The following KANK1 variants were observed in gnomAD, a reference collection of about 807,000 sequenced individuals.
KANK1 encodes KN motif and ankyrin repeat domains 1.
Under a neutral mutation model 106.2 loss-of-function variants are expected in KANK1, and 109 were observed. The ratio of observed to expected loss-of-function variants is 1.03; its 90% CI spans 0.88 to 1.20. The LOEUF is 1.20. Ranked by LOEUF, KANK1 falls within the 50% of genes most tolerant of loss-of-function variation. The pLI, the probability that KANK1 is intolerant of heterozygous loss-of-function variation, is 0.00. For synonymous variants in KANK1, 873 were observed against 652.2 expected (o/e 1.34, Z -5.16); for missense variants, 2,399 against 1,710.7 (o/e 1.40, Z -7.10).
chr9:536,730 T>C (rs1420030797), intron 1 of KANK1, among the ~76,000 whole-genome samples: 1 of 152,178 alleles, frequency 6.6e-6, no homozygotes, highest in Non-Finnish European at 1.5e-5. Context: ...TAATGCCGTC[T>C]GCACAATGAC....
rs2060202945 is a variant in KANK1 at position 534,410 on chromosome 9, T to C, written c.-84+29656T>C. ...TGTGGATTTCACTATCAACAGAAAG[T>C]AATGTAAGATGTGATATCTTTTCAG... On this transcript the variant is annotated intron_variant, in intron 1 of 11. Coordinates refer to ENST00000382297, the MANE Select transcript of KANK1 (RefSeq NM_015158.5). Among the ~76,000 whole-genome samples, 4 of 152,286 alleles carry C rather than the reference T, an allele frequency of 2.6e-5. No individual in the cohort carries two copies. The South Asian group carries it at 8.3e-4, about 32-fold the overall frequency.
chr9:660,886 T>C (rs1452400866), intron 1 of KANK1, among the ~76,000 whole-genome samples: 1 of 152,218 alleles, frequency 6.6e-6, no homozygotes, highest in Non-Finnish European at 1.5e-5. Flanking sequence ...CACAAAGGTC[T>C]TTTTGACCAG....
intron 3 of KANK1, among the ~76,000 whole-genome samples, chr9:499,171 C>G (rs545523454): frequency 1.3e-5 from 2 of 148,390 alleles, no homozygotes; most frequent in African/African-American, 5.0e-5. Flanking sequence ...GAGCAAGACT[C>G]TGTCTCAAAA....
chr9:706,900 C>T, intron 2 of KANK1: 2 of 985,412 alleles, frequency 2.0e-6, no homozygotes, highest in Non-Finnish European at 2.4e-6. Context: ...AAAAACAGAG[C>T]CTCTCTGTAG....
chr9:560,301 G>A (rs1816050431), intron 1 of KANK1, among the ~76,000 whole-genome samples: 1 of 152,204 alleles, frequency 6.6e-6, no homozygotes, highest in Non-Finnish European at 1.5e-5. Context: ...GGATAAGTTG[G>A]AAAAGCATGG....
At chr9:705,676 G>A (rs1292771049) in intron 2 of KANK1, among the ~76,000 whole-genome samples, 1 of 151,318 alleles carries the variant, frequency 6.6e-6, no homozygotes, top group Non-Finnish European at 1.5e-5. Flanking sequence ...TTGGCTCACT[G>A]CAACCTTCAC....
chr9:732,900 T>C lies in KANK1; in HGVS notation c.3245+283T>C, dbSNP rs7870038. ...ACAATCCACTAAAACTTGCATTGTT[T>C]GAACACCTTACCTTATATTTAAAGA... On this transcript the variant is annotated intron_variant, in intron 6 of 11. Transcript: ENST00000382297. The C allele has an allele frequency of 0.097, 25,292 of 260,642 alleles. 2,548 individuals are homozygous for C. Among genetic ancestry groups the C allele is most frequent in the African/African-American group, 0.3 (13,769 of 45,714 alleles). 16.1% of individuals were successfully genotyped at this position (260,642 alleles called of 1,614,324 possible). A position where few individuals can be genotyped will look rare whatever the true frequency, so the allele number is the denominator to read the frequency against.
intron 1 of KANK1, among the ~76,000 whole-genome samples, chr9:596,247 C>T (rs1002502496): frequency 3.3e-5 from 5 of 151,804 alleles, no homozygotes; most frequent in African/African-American, 1.2e-4. Flanking sequence ...GGATTAAGGA[C>T]GTTCAACTTG....
chr9:546,779 A>G (rs912473742), intron 1 of KANK1, among the ~76,000 whole-genome samples: 11 of 151,016 alleles, frequency 7.3e-5, no homozygotes, highest in Non-Finnish European at 1.3e-4. Context: ...AGGAAATTCT[A>G]TTTTGGCAAC....
At chr9:620,256 T>A (rs981012947) in intron 1 of KANK1, among the ~76,000 whole-genome samples, 1 of 152,154 alleles carries the variant, frequency 6.6e-6, no homozygotes, top group Non-Finnish European at 1.5e-5. Context: ...TTACTCAGTG[T>A]CATTAATCAC....
At chr9:596,501 C>T (rs113410231) in intron 1 of KANK1, among the ~76,000 whole-genome samples, 4 of 151,834 alleles carry the variant, frequency 2.6e-5, no homozygotes, top group East Asian at 1.9e-4. Context: ...TTTGCTGTCA[C>T]GGAGCCAGTG....
Position 744,719 on chromosome 9 carries a change from T to C in KANK1, c.3996+130T>C, listed in dbSNP as rs970687171. ...AAAATGGAAGTTTTAGTCTGGAGCTTAAGAGTTCATCCTTTCCGCCTCCAC... is the reference window on the plus strand; with the variant it reads ...AAAATGGAAGTTTTAGTCTGGAGCTCAAGAGTTCATCCTTTCCGCCTCCAC... On this transcript the variant is annotated intron_variant, in intron 11 of 11. Coordinates refer to ENST00000382297, the MANE Select transcript of KANK1 (RefSeq NM_015158.5). 2.6e-6 allele frequency: 4 copies of C among 1,563,912 alleles called. No individual in the cohort carries two copies. In the African/African-American group the frequency reaches 5.4e-5, roughly 21 times the overall value.
At chr9:704,175 G>C (rs987747943) in intron 2 of KANK1, among the ~76,000 whole-genome samples, 3 of 152,178 alleles carry the variant, frequency 2.0e-5, no homozygotes, top group African/African-American at 4.8e-5. Flanking sequence ...TTAGAATTCA[G>C]TGTAACTCCA....
intron 10 of KANK1, 124 bp from the exon 11 acceptor site, chr9:744,367 C>T (rs1836614036): frequency 1.8e-6 from 2 of 1,128,048 alleles, no homozygotes; most frequent in Non-Finnish European, 2.5e-6. Flanking sequence ...TCCCAGAAGA[C>T]CGAACGAGTA....
intron 1 of KANK1, chr9:547,435 G>A (rs2060999371): frequency 7.0e-6 from 1 of 142,966 alleles, no homozygotes; most frequent in East Asian, 1.9e-4. Flanking sequence ...GAATGAAAAC[G>A]AGCTTGAGTA....
At position 712,910 on chromosome 9, in the gene KANK1, G is replaced by A. The variant is rs754018564; in HGVS notation, c.2144G>A (p.Arg715Gln). ...ACCAGCACCCAGACTGTGGAGACGC[G>A]GACAGTAGCTGTAGGAGAAGGCCGT... The part of the protein sequence containing the change: ...KQTSTQTVET[R>Q]TVAVGEGRVK... Residue 715 changes from arginine (R) to glutamine (Q), a missense_variant, in exon 3 of 12, where the codon CGG becomes CAG. Coordinates refer to ENST00000382297, the MANE Select transcript of KANK1 (RefSeq NM_015158.5). 2.9e-5 allele frequency: 47 copies of A among 1,613,906 alleles called. No individual in the cohort carries two copies. Among genetic ancestry groups the A allele is most frequent in the East Asian group, 4.5e-5 (2 of 44,870 alleles).
intron 1 of KANK1, among the ~76,000 whole-genome samples, chr9:610,461 T>C (rs540659495): frequency 6.6e-5 from 10 of 152,290 alleles, no homozygotes; most frequent in African/African-American, 2.2e-4. Flanking sequence ...CTGGTTTAGA[T>C]ACATGATTTA....
chr9:627,055 GA>G (rs35616425), intron 1 of KANK1, among the ~76,000 whole-genome samples: 11 of 151,930 alleles, frequency 7.2e-5, no homozygotes, highest in Admixed American at 2.0e-4. Flanking sequence ...TTCCAAGGGG[GA>G]AAAAAAGGTG....
At chr9:567,947 C>A (rs1045088895) in intron 1 of KANK1, among the ~76,000 whole-genome samples, 10 of 151,704 alleles carry the variant, frequency 6.6e-5, no homozygotes, top group Non-Finnish European at 1.3e-4. Context: ...ACAAAACTTA[C>A]AGTCTTCCAA....
Sources: allele counts gnomAD v4.1 joint callset (sites outside exome capture counted in the v4.1 genomes callset), GRCh38; gene constraint gnomAD v4.1.1; transcripts MANE v1.5; gene names NCBI Gene and HGNC (gene_info 2026-07-23, HGNC 2026-07-21).